AK4: variants seen among roughly 807,000 people sequenced by gnomAD.
AK4 encodes adenylate kinase 4, mitochondrial.
Under a neutral mutation model 24.6 loss-of-function variants are expected in AK4, and 13 were observed. That is an observed-to-expected ratio of 0.53 (90% CI 0.34 to 0.84). AK4 has a LOEUF of 0.84. AK4 is among the 40% of genes least tolerant of loss of function. The pLI is 0.01. For synonymous variants in AK4, 88 were observed against 107.0 expected (o/e 0.82, Z 1.10); for missense variants, 192 against 288.2 (o/e 0.67, Z 2.42).
At chr1:65,184,604 C>A (rs1157908263) in intron 1 of AK4, among the ~76,000 whole-genome samples, 1 of 152,126 alleles carries the variant, frequency 6.6e-6, no homozygotes, top group Non-Finnish European at 1.5e-5. Context: ...GTGTCCACAG[C>A]CTTTCTTTGG....
intron 1 of AK4, among the ~76,000 whole-genome samples, chr1:65,179,780 A>G (rs1274463145): frequency 2.0e-5 from 3 of 152,104 alleles, no homozygotes; most frequent in Non-Finnish European, 2.9e-5. Context: ...GTGTGCAGTG[A>G]GCTGTGATCA....
rs1651912211 is a variant in AK4 at position 65,209,565 on chromosome 1, A to C, written c.266-9189A>C. ...AATGACCCTCAGCTAAAAATGCTTTAAAATGTGCTGGTCTGACTGTACCTT... is the reference window on the plus strand; with the variant it reads ...AATGACCCTCAGCTAAAAATGCTTTCAAATGTGCTGGTCTGACTGTACCTT... On this transcript the variant is annotated intron_variant, in intron 2 of 4. Coordinates refer to ENST00000327299, the MANE Select transcript of AK4 (RefSeq NM_013410.4). Among the ~76,000 whole-genome samples, 3 of 152,192 alleles carry C rather than the reference A, an allele frequency of 2.0e-5. No individual in the cohort carries two copies. The South Asian group carries it at 6.2e-4, about 31-fold the overall frequency.
intron 1 of AK4, among the ~76,000 whole-genome samples, chr1:65,182,689 G>A (rs572183008): frequency 6.6e-6 from 1 of 151,996 alleles, no homozygotes; most frequent in African/African-American, 2.4e-5. Flanking sequence ...AAATCTTTTT[G>A]TCTCCAGCGT....
chr1:65,196,558 G>C (rs905892733), intron 2 of AK4, among the ~76,000 whole-genome samples: 1 of 152,106 alleles, frequency 6.6e-6, no homozygotes, highest in Non-Finnish European at 1.5e-5. Flanking sequence ...TCTGCCTCCT[G>C]GGTTCAAGCG....
At position 65,198,120 on chromosome 1, in the gene AK4, C is replaced by T. The variant is rs570150775; in HGVS notation, c.265+7291C>T. On this transcript the variant is annotated intron_variant, in intron 2 of 4. Transcript: ENST00000327299. ...AGTCATTTATCTTTAAATATTTAGC[C>T]GTGAAAAATCATAGCCACATAACCC... Among the ~76,000 whole-genome samples the T allele has an allele frequency of 7.2e-5, 11 of 152,226 alleles. 1 individual carries two copies. Among genetic ancestry groups the T allele is most frequent in the Middle Eastern group, 3.4e-3 (1 of 294 alleles).
At chr1:65,188,929 C>T (rs1003153348) in intron 1 of AK4, among the ~76,000 whole-genome samples, 1 of 151,670 alleles carries the variant, frequency 6.6e-6, no homozygotes, top group Admixed American at 6.6e-5. Flanking sequence ...TGCCCGCCAC[C>T]TAATTTATTT....
intron 3 of AK4, 138 bp downstream of exon 3, chr1:65,219,064 CA>C (rs752594038): frequency 1.1e-5 from 6 of 555,774 alleles, no homozygotes; most frequent in Non-Finnish European, 1.7e-5. Flanking sequence ...TTTAAATGTT[CA>C]AATGTAGTTG....
At chr1:65,150,624 T>A in intron 1 of AK4, among the ~76,000 whole-genome samples, 1 of 152,202 alleles carries the variant, frequency 6.6e-6, no homozygotes, top group South Asian at 2.1e-4. Context: ...CGGTATTTAT[T>A]TTTCTGTCTG....
chr1:65,202,289 C>T (rs909229778), intron 2 of AK4, among the ~76,000 whole-genome samples: 4 of 152,034 alleles, frequency 2.6e-5, no homozygotes, highest in African/African-American at 9.7e-5. Context: ...TCCAGCTACT[C>T]AGGAGACTGA....
In AK4 at chr1:65,229,771, C is replaced by T. The variant is rs550911003; in HGVS notation, c.*3594C>T. 6 of 152,224 alleles carry T rather than the reference C, an allele frequency of 3.9e-5. No individual in the cohort carries two copies. Among genetic ancestry groups the T allele is most frequent in the African/African-American group, 1.4e-4 (6 of 41,526 alleles). The allele number at this position is 152,224 out of a possible 1,614,324, so 9.4% of individuals were successfully genotyped here. On this transcript the variant is annotated 3_prime_UTR_variant, in exon 5 of 5. Transcript: ENST00000327299. ...CCTTTTGGTGTCCATTGGATTGTGCCCCGAAGTGGCCTTTACCCTTGAGCC... is the reference window on the plus strand; with the variant it reads ...CCTTTTGGTGTCCATTGGATTGTGCTCCGAAGTGGCCTTTACCCTTGAGCC...
intron 2 of AK4, among the ~76,000 whole-genome samples, chr1:65,205,426 G>T (rs1651783408): frequency 6.6e-6 from 1 of 152,014 alleles, no homozygotes; most frequent in Admixed American, 6.6e-5. Context: ...TTTAGACAGG[G>T]TCTTGCTATG....
intron 1 of AK4, among the ~76,000 whole-genome samples, chr1:65,176,380 A>T (rs867023961): frequency 4.6e-5 from 7 of 152,196 alleles, no homozygotes; most frequent in African/African-American, 1.7e-4. Context: ...AAGAGGCCTC[A>T]TGAAGCATTG....
At chr1:65,194,156 T>A (rs962094755) in intron 2 of AK4, among the ~76,000 whole-genome samples, 18 of 152,214 alleles carry the variant, frequency 1.2e-4, no homozygotes, top group Non-Finnish European at 2.2e-4. Flanking sequence ...TCTTCAATGG[T>A]CAACTGTATT....
chr1:65,157,227 A>C (rs959602787), intron 1 of AK4, among the ~76,000 whole-genome samples: 1 of 152,230 alleles, frequency 6.6e-6, no homozygotes. Context: ...TGGACCCCTG[A>C]AAAGGTCTCA....
At chr1:65,200,259 G>A (rs1570120054) in intron 2 of AK4, among the ~76,000 whole-genome samples, 1 of 152,116 alleles carries the variant, frequency 6.6e-6, no homozygotes, top group African/African-American at 2.4e-5. Context: ...GATTATAGGT[G>A]CCTGCCACTA....
intron 2 of AK4, among the ~76,000 whole-genome samples, chr1:65,193,937 C>T (rs557609362): frequency 6.6e-6 from 1 of 152,138 alleles, no homozygotes; most frequent in Non-Finnish European, 1.5e-5. Flanking sequence ...CTCATCTCGA[C>T]AAAAATTAGC....
chr1:65,150,425 A>G (rs1649733118), intron 1 of AK4, among the ~76,000 whole-genome samples: 1 of 152,012 alleles, frequency 6.6e-6, no homozygotes, highest in South Asian at 2.1e-4. Context: ...GTTGGGAATC[A>G]AGCAGCTTTT....
chr1:65,178,103 C>T (rs1301906738), intron 1 of AK4, among the ~76,000 whole-genome samples: 2 of 151,926 alleles, frequency 1.3e-5, no homozygotes, highest in Non-Finnish European at 2.9e-5. Context: ...TTTGTAGGGT[C>T]CTGTGGATGG....
At chr1:65,210,488 A>G (rs1457269113) in intron 2 of AK4, among the ~76,000 whole-genome samples, 1 of 152,022 alleles carries the variant, frequency 6.6e-6, no homozygotes, top group Non-Finnish European at 1.5e-5. Flanking sequence ...CCACATACAC[A>G]TGCTATTTGC....
Sources: gnomAD v4.1 joint callset for allele counts (sites outside exome capture counted in the v4.1 genomes callset) on GRCh38, gnomAD v4.1.1 for gene constraint, MANE v1.5 for transcripts, NCBI Gene and HGNC (gene_info 2026-07-23, HGNC 2026-07-21) for gene names.